Variants in NRXN1 observed in about 807,000 individuals in gnomAD.
NRXN1 encodes the protein neurexin 1, also known as neurexin-1.
NRXN1 carries 39 observed loss-of-function variants against 150.9 expected under a neutral mutation model. The observed-to-expected ratio is 0.26, with a 90% CI of 0.20 to 0.34. NRXN1 has a LOEUF of 0.34. Among genes scored for constraint, NRXN1 ranks in the 10% least tolerant of loss-of-function variants. The pLI, the probability that NRXN1 is intolerant of heterozygous loss-of-function variation, is 1.00. For missense variants in NRXN1, 1,815 were observed against 1,949.9 expected (o/e 0.93, Z 1.30); for synonymous variants, 924 against 757.0 (o/e 1.22, Z -3.62).
At chr2:50,203,638 T>C (rs1349193768) in intron 18 of NRXN1, among the ~76,000 whole-genome samples, 3 of 152,174 alleles carry the variant, frequency 2.0e-5, no homozygotes, top group Non-Finnish European at 4.4e-5. Flanking sequence ...CACAATGTTG[T>C]ACAAGTCCAT....
Position 49,940,172 on chromosome 2 carries a change from G to T in NRXN1, c.4216+3532C>A, listed in dbSNP as rs562454067. ...CTTAGGGAGAGTGAGGTACTCAGAAGATTTGGGCAACGCATCTATAAAGGT... is the reference window on the plus strand; with the variant it reads ...CTTAGGGAGAGTGAGGTACTCAGAATATTTGGGCAACGCATCTATAAAGGT... On this transcript the variant is annotated intron_variant, in intron 22 of 22. Coordinates refer to ENST00000401669, the MANE Select transcript of NRXN1 (RefSeq NM_001330078.2). Among the ~76,000 whole-genome samples the T allele has an allele frequency of 2.0e-5, 3 of 152,194 alleles. No homozygotes were observed. In the South Asian group the frequency reaches 6.2e-4, roughly 32 times the overall value.
At chr2:50,951,652 T>C (rs1186867754) in intron 2 of NRXN1, among the ~76,000 whole-genome samples, 2 of 152,104 alleles carry the variant, frequency 1.3e-5, no homozygotes, top group African/African-American at 4.8e-5. Flanking sequence ...GTCACCGATG[T>C]AACACAGCTC....
At chr2:50,607,762 A>T (rs1182044346) in intron 8 of NRXN1, among the ~76,000 whole-genome samples, 1 of 151,852 alleles carries the variant, frequency 6.6e-6, no homozygotes, top group African/African-American at 2.4e-5. Context: ...AAAAAAGTAA[A>T]GGAGACCTAG....
At chr2:50,067,374 G>C (rs1695525393) in intron 19 of NRXN1, among the ~76,000 whole-genome samples, 1 of 152,156 alleles carries the variant, frequency 6.6e-6, no homozygotes, top group Non-Finnish European at 1.5e-5. Flanking sequence ...TGTTTCATCA[G>C]ATTAATTTGA....
Position 49,918,739 on chromosome 2 carries a change from AG to A in NRXN1, c.*3204del, listed in dbSNP as rs1324267685. 1 of 152,148 alleles carries A rather than the reference AG, an allele frequency of 6.6e-6. No homozygotes were observed. The highest frequency in any genetic ancestry group is 6.5e-5 in the Admixed American group (1 of 15,276). 9.4% of individuals were successfully genotyped at this position (152,148 alleles called of 1,614,324 possible). A position where few individuals can be genotyped will look rare whatever the true frequency, so the allele number is the denominator to read the frequency against. ...TAATGACTAGTTAAATCCAGAAAAAAGAGAGTCAACATTCTTCCTCTATAAT... is the reference window on the plus strand; with the variant it reads ...TAATGACTAGTTAAATCCAGAAAAAAAGAGTCAACATTCTTCCTCTATAAT... On this transcript the variant is annotated 3_prime_UTR_variant, in exon 23 of 23. Transcript: ENST00000401669.
chr2:50,275,177 C>T (rs1178933397), intron 17 of NRXN1, among the ~76,000 whole-genome samples: 2 of 152,122 alleles, frequency 1.3e-5, no homozygotes, highest in Non-Finnish European at 2.9e-5. Flanking sequence ...ATTTAGATGT[C>T]AGAGTGACAG....
intron 12 of NRXN1, among the ~76,000 whole-genome samples, chr2:50,517,649 T>A (rs1405477639): frequency 6.6e-6 from 1 of 152,112 alleles, no homozygotes; most frequent in Non-Finnish European, 1.5e-5. Context: ...TCAGTTACAT[T>A]GAAAATAAAC....
intron 5 of NRXN1, among the ~76,000 whole-genome samples, chr2:50,910,367 C>G (rs1684348851): frequency 6.6e-6 from 1 of 151,972 alleles, no homozygotes; most frequent in African/African-American, 2.4e-5. Flanking sequence ...TACTTCATCC[C>G]CATAGCTAAA....
At chr2:50,958,092 G>T (rs1558490332) in intron 2 of NRXN1, among the ~76,000 whole-genome samples, 1 of 152,072 alleles carries the variant, frequency 6.6e-6, no homozygotes, top group Non-Finnish European at 1.5e-5. Context: ...GCCTTTCTGG[G>T]CCAAAGTTTT....
intron 9 of NRXN1, among the ~76,000 whole-genome samples, chr2:50,540,110 G>A (rs1029826260): frequency 7.9e-5 from 12 of 152,250 alleles, no homozygotes; most frequent in Non-Finnish European, 1.5e-4. Context: ...TCAGGTGGCC[G>A]AGTCATTAAG....
chr2:50,279,742 TTGACAAAA>T (rs1342025030), intron 17 of NRXN1, among the ~76,000 whole-genome samples: 5 of 152,208 alleles, frequency 3.3e-5, no homozygotes, highest in Non-Finnish European at 7.3e-5. Flanking sequence ...GTATCTCTTG[TTGACAAAA>T]TGCCAAGAAT....
intron 17 of NRXN1, among the ~76,000 whole-genome samples, chr2:50,365,937 T>G (rs751897847): frequency 1.4e-4 from 22 of 152,026 alleles, no homozygotes; most frequent in South Asian, 8.3e-4. Context: ...GGAAGCCAAA[T>G]TAGACGACTG....
At chr2:50,204,751 G>A (rs2062441056) in intron 18 of NRXN1, among the ~76,000 whole-genome samples, 2 of 151,984 alleles carry the variant, frequency 1.3e-5, no homozygotes, top group East Asian at 3.9e-4. Flanking sequence ...AAGAGTGGGT[G>A]AGAAATTAGA....
At chr2:50,879,547 T>C (rs1679117302) in intron 5 of NRXN1, among the ~76,000 whole-genome samples, 3 of 151,886 alleles carry the variant, frequency 2.0e-5, no homozygotes, top group African/African-American at 7.3e-5. Flanking sequence ...TTTAATAATC[T>C]GTGAGCAGAT....
At chr2:50,235,251 G>A (rs559667501) in intron 18 of NRXN1, among the ~76,000 whole-genome samples, 4 of 152,150 alleles carry the variant, frequency 2.6e-5, no homozygotes, top group South Asian at 4.2e-4. Context: ...ATTCCTTACT[G>A]TACTAGTAAA....
chr2:50,787,269 A>T (rs1705254664), intron 5 of NRXN1, among the ~76,000 whole-genome samples: 1 of 152,004 alleles, frequency 6.6e-6, no homozygotes, highest in African/African-American at 2.4e-5. Context: ...AAAACAAAAC[A>T]AGAAAACAGG....
At chr2:50,189,160 A>G (rs2061288883) in intron 18 of NRXN1, among the ~76,000 whole-genome samples, 1 of 152,216 alleles carries the variant, frequency 6.6e-6, no homozygotes, top group East Asian at 1.9e-4. Flanking sequence ...AATGTGGCAC[A>G]TATACACAAT....
chr2:50,070,017 A>AT (rs1268497533), intron 19 of NRXN1, among the ~76,000 whole-genome samples: 2 of 151,326 alleles, frequency 1.3e-5, no homozygotes, highest in Non-Finnish European at 2.9e-5. Flanking sequence ...CACCCACCTA[A>AT]TTTTTTGTAT....
chr2:50,718,142 T>C (rs1354957643), intron 5 of NRXN1, among the ~76,000 whole-genome samples: 1 of 152,162 alleles, frequency 6.6e-6, no homozygotes, highest in Non-Finnish European at 1.5e-5. Flanking sequence ...CAGCACAGCA[T>C]AGGTTAAATG....
Sources: gnomAD v4.1 joint callset for allele counts (sites outside exome capture counted in the v4.1 genomes callset) on GRCh38, gnomAD v4.1.1 for gene constraint, MANE v1.5 for transcripts, NCBI Gene and HGNC (gene_info 2026-07-23, HGNC 2026-07-21) for gene names.